The following KLHL20 variants were observed in gnomAD, a reference collection of about 807,000 sequenced individuals.
KLHL20 encodes the protein kelch-like protein 20.
KLHL20 carries 29 observed loss-of-function variants against 69.5 expected under a neutral mutation model. The ratio of observed to expected loss-of-function variants is 0.42; its 90% CI spans 0.31 to 0.57. KLHL20 has a LOEUF of 0.57. KLHL20 is among the 20% of genes least tolerant of loss of function. KLHL20 has a pLI of 0.18. For synonymous variants in KLHL20, 253 were observed against 265.2 expected (o/e 0.95, Z 0.45); for missense variants, 419 against 776.0 (o/e 0.54, Z 5.47).
chr1:173,729,633 T>G (rs1267959625), intron 2 of KLHL20, among the ~76,000 whole-genome samples: 1 of 152,136 alleles, frequency 6.6e-6, no homozygotes, highest in Non-Finnish European at 1.5e-5. Context: ...CACATGATTA[T>G]CTCAATAGAT....
intron 2 of KLHL20, among the ~76,000 whole-genome samples, chr1:173,729,910 G>C (rs549627018): frequency 3.4e-4 from 51 of 152,204 alleles, no homozygotes; most frequent in African/African-American, 1.2e-3. Context: ...ATTCAGTTAG[G>C]AAAAGAGGAA....
At position 173,718,545 on chromosome 1, in the gene KLHL20, C is replaced by CAA. The variant is rs1043098445; in HGVS notation, c.23+2494_23+2495dup. On this transcript the variant is annotated intron_variant, in intron 2 of 11. Transcript: ENST00000209884. ...TGGGCAACAGAGCAAGACAGTGTCTCAAAAAAAAAAAAAAAAGACACAAAT... is the reference window on the plus strand; with the variant it reads ...TGGGCAACAGAGCAAGACAGTGTCTCAAAAAAAAAAAAAAAAAAGACACAAAT... 1.2e-4 allele frequency among the ~76,000 whole-genome samples: 12 copies of CAA among 101,558 alleles called. No individual in the cohort carries two copies. In the South Asian group the frequency reaches 3.1e-3, roughly 26 times the overall value. The allele number at this position is 101,558 out of a possible 152,430, so 66.6% of individuals were successfully genotyped here.
At chr1:173,739,766 C>G (rs1454803009) in intron 3 of KLHL20, among the ~76,000 whole-genome samples, 4 of 149,918 alleles carry the variant, frequency 2.7e-5, no homozygotes, top group Non-Finnish European at 5.9e-5. Context: ...ATTGTTCTGC[C>G]TCAGCTGGGA....
intron 2 of KLHL20, among the ~76,000 whole-genome samples, chr1:173,724,085 A>C (rs999772276): frequency 1.3e-5 from 2 of 152,094 alleles, no homozygotes. Context: ...ATATCACCGC[A>C]ATCAAGGTTC....
At chr1:173,718,613 A>C (rs1053608695) in intron 2 of KLHL20, among the ~76,000 whole-genome samples, 9 of 151,584 alleles carry the variant, frequency 5.9e-5, no homozygotes, top group African/African-American at 2.2e-4. Flanking sequence ...CCAGCTACCC[A>C]GCTACTTAGG....
chr1:173,743,325 G>T (rs561411650), intron 3 of KLHL20, among the ~76,000 whole-genome samples: 1 of 152,084 alleles, frequency 6.6e-6, no homozygotes, highest in South Asian at 2.1e-4. Context: ...GCTTTGTCCA[G>T]ATTCACCAGT....
intron 2 of KLHL20, among the ~76,000 whole-genome samples, chr1:173,727,206 GA>G (rs757738068): frequency 2.2e-4 from 32 of 142,646 alleles, no homozygotes; most frequent in African/African-American, 4.5e-4. Context: ...AAAAAAGAAT[GA>G]AAAAAAAAAA....
intron 10 of KLHL20, among the ~76,000 whole-genome samples, chr1:173,777,016 G>A (rs904531281): frequency 2.0e-5 from 3 of 152,082 alleles, no homozygotes; most frequent in Non-Finnish European, 1.5e-5. Context: ...GGATAGCATG[G>A]ACATTTTAAC....
intron 10 of KLHL20, among the ~76,000 whole-genome samples, chr1:173,780,844 C>T (rs939750325): frequency 6.6e-6 from 1 of 152,068 alleles, no homozygotes; most frequent in South Asian, 2.1e-4. Flanking sequence ...ATTCTCCTGC[C>T]TCAGCCTCCC....
chr1:173,719,144 T>C (rs1369989454), intron 2 of KLHL20, among the ~76,000 whole-genome samples: 1 of 150,066 alleles, frequency 6.7e-6, no homozygotes. Flanking sequence ...TTGTAACAAA[T>C]GCATATAGAC....
chr1:173,756,879 G>A, intron 6 of KLHL20, 97 bp from the exon 7 acceptor site: 1 of 1,093,670 alleles, frequency 9.1e-7, no homozygotes, highest in South Asian at 1.7e-5. Flanking sequence ...GAGACATTTG[G>A]TGAGTCTAAG....
intron 3 of KLHL20, among the ~76,000 whole-genome samples, chr1:173,747,308 T>C (rs940844233): frequency 6.6e-6 from 1 of 152,064 alleles, no homozygotes; most frequent in East Asian, 1.9e-4. Flanking sequence ...TATTTCTCTT[T>C]ATATCATCTA....
intron 2 of KLHL20, among the ~76,000 whole-genome samples, chr1:173,720,456 C>T (rs1671666690): frequency 6.6e-6 from 1 of 152,062 alleles, no homozygotes; most frequent in African/African-American, 2.4e-5. Flanking sequence ...GAAATTGAGG[C>T]TACAACAGTG....
chr1:173,756,931 T>G, intron 6 of KLHL20, 45 bp from the exon 7 acceptor site: 1 of 1,569,744 alleles, frequency 6.4e-7, no homozygotes, highest in Non-Finnish European at 8.7e-7. Context: ...TTACATTTTA[T>G]GCTTCAGGAT....
At chr1:173,756,117 A>G in intron 6 of KLHL20, 79 bp downstream of exon 6, 1 of 984,814 alleles carries the variant, frequency 1.0e-6, no homozygotes, top group Non-Finnish European at 1.6e-6. Flanking sequence ...CCTTTGGACA[A>G]TTATGATATT....
In KLHL20 at chr1:173,774,411, T is replaced by C. The variant is rs768144906; in HGVS notation, c.1402T>C (p.Ser468Pro). 5.0e-6 allele frequency: 8 copies of C among 1,614,042 alleles called. No homozygotes were observed. Reference sequence around the variant, plus strand: ...AGGGTTCTTATATGCTGTAGGTGGCTCTGACGGGACATCTCCTCTCAACAC... The same window carrying C: ...AGGGTTCTTATATGCTGTAGGTGGCCCTGACGGGACATCTCCTCTCAACAC... Reference protein sequence around the residue: ...LGGFLYAVGGSDGTSPLNTVE... With the variant: ...LGGFLYAVGGPDGTSPLNTVE... The change falls in exon 9 of 12, where the codon TCT (serine) becomes CCT (proline). Residue 468 changes from serine to proline, a missense_variant. Physicochemically the swap from Ser to Pro is moderately conservative, Grantham distance 74. Around this residue, in one of 6 missense-constraint regions of KLHL20, gnomAD observed 56 missense variants for 75.9 expected, o/e 0.74. Transcript: ENST00000209884.
chr1:173,779,858 A>T (rs1440692137), intron 10 of KLHL20, among the ~76,000 whole-genome samples: 1 of 152,192 alleles, frequency 6.6e-6, no homozygotes, highest in Non-Finnish European at 1.5e-5. Flanking sequence ...AGTCTATCCT[A>T]TCTATAGTAT....
chr1:173,779,550 C>T (rs1648716833), intron 10 of KLHL20, among the ~76,000 whole-genome samples: 1 of 151,936 alleles, frequency 6.6e-6, no homozygotes, highest in African/African-American at 2.4e-5. Flanking sequence ...GGGGTTTTGC[C>T]ATGTTGGCCA....
intron 3 of KLHL20, among the ~76,000 whole-genome samples, chr1:173,746,040 CAA>C (rs1673044472): frequency 6.6e-6 from 1 of 151,934 alleles, no homozygotes; most frequent in South Asian, 2.1e-4. Flanking sequence ...TGAATTTTGT[CAA>C]AGACTTTTTC....
Sources: allele counts gnomAD v4.1 joint callset (sites outside exome capture counted in the v4.1 genomes callset), GRCh38; gene constraint gnomAD v4.1.1; regional missense constraint gnomAD v4.1.1; transcripts MANE v1.5; gene names NCBI Gene and HGNC (gene_info 2026-07-23, HGNC 2026-07-21).